FAM117A: variants seen among roughly 807,000 people sequenced by gnomAD.
FAM117A encodes the protein protein FAM117A.
In FAM117A, 21 loss-of-function variants were observed where a neutral mutation model predicts 44.1. The ratio of observed to expected loss-of-function variants is 0.48; its 90% confidence interval spans 0.34 to 0.69. The LOEUF is 0.69. Among genes scored for constraint, FAM117A ranks in the 30% least tolerant of loss-of-function variants. The pLI is 0.01. For missense variants in FAM117A, 498 were observed against 589.9 expected (o/e 0.84, Z 1.61); for synonymous variants, 220 against 238.3 (o/e 0.92, Z 0.71).
At chr17:49,743,799 C>T (rs948573402) in intron 1 of FAM117A, among the ~76,000 whole-genome samples, 1 of 151,364 alleles carries the variant, frequency 6.6e-6, no homozygotes, top group Non-Finnish European at 1.5e-5. Context: ...GGTGGCACGA[C>T]ATGCCTGTTA....
At chr17:49,754,594 G>A (rs180841852) in intron 1 of FAM117A, among the ~76,000 whole-genome samples, 2 of 151,896 alleles carry the variant, frequency 1.3e-5, no homozygotes, top group South Asian at 2.1e-4. Context: ...GTGAGCCACC[G>A]TGCCCGGCCA....
intron 5 of FAM117A, among the ~76,000 whole-genome samples, chr17:49,718,787 C>T (rs913215282): frequency 6.6e-5 from 10 of 150,832 alleles, no homozygotes; most frequent in African/African-American, 2.4e-4. Context: ...TCGAGGCCAT[C>T]CTGGCCAACA....
chr17:49,761,143 A>T (rs905350331), intron 1 of FAM117A, among the ~76,000 whole-genome samples: 5 of 152,316 alleles, frequency 3.3e-5, no homozygotes, highest in South Asian at 2.1e-4. Context: ...GCGTTACATC[A>T]CTTTGAGATG....
chr17:49,729,412 G>A (rs188253820), intron 2 of FAM117A, among the ~76,000 whole-genome samples: 38 of 151,888 alleles, frequency 2.5e-4, no homozygotes, highest in Admixed American at 2.4e-3. Context: ...ATATTGGTAT[G>A]ACTAGAAGAG....
rs141828418 is a variant in FAM117A, at chr17:49,757,697, C to T, written c.196+6195G>A. 2.7e-3 allele frequency among the ~76,000 whole-genome samples: 407 copies of T among 152,332 alleles called. 2 individuals are homozygous for T. The highest frequency in any genetic ancestry group is 9.2e-3 in the African/African-American group (383 of 41,580). Reference sequence around the variant, plus strand: ...ATTTCAAATATCATCCACAACTCTTCCCTGAGATCAGGATTTGTTTTTGAC... The same window carrying T: ...ATTTCAAATATCATCCACAACTCTTTCCTGAGATCAGGATTTGTTTTTGAC... On this transcript the variant is annotated intron_variant, in intron 1 of 7. Coordinates refer to ENST00000240364, the MANE Select transcript of FAM117A (RefSeq NM_030802.4).
intron 3 of FAM117A, among the ~76,000 whole-genome samples, chr17:49,721,752 GA>G (rs2073535379): frequency 6.6e-6 from 1 of 152,108 alleles, no homozygotes; most frequent in Non-Finnish European, 1.5e-5. Flanking sequence ...GGAGGGCCAG[GA>G]AAAAGTGTTT....
At chr17:49,739,812 C>T (rs1331393951) in intron 1 of FAM117A, among the ~76,000 whole-genome samples, 1 of 152,214 alleles carries the variant, frequency 6.6e-6, no homozygotes, top group Non-Finnish European at 1.5e-5. Flanking sequence ...GGCTGGGTGG[C>T]TGCAGGAGGG....
At chr17:49,746,228 T>G (rs2073653957) in intron 1 of FAM117A, among the ~76,000 whole-genome samples, 1 of 152,166 alleles carries the variant, frequency 6.6e-6, no homozygotes, top group South Asian at 2.1e-4. Flanking sequence ...TCAATGAGTC[T>G]AGGTGAAAGA....
At chr17:49,784,179 G>A (rs1483442337) in intron 1 of FAM117A, among the ~76,000 whole-genome samples, 2 of 152,152 alleles carry the variant, frequency 1.3e-5, no homozygotes, top group Non-Finnish European at 2.9e-5. Context: ...GACATCAAGG[G>A]ATCTTTTAGG....
chr17:49,759,595 T>G (rs1008080171), intron 1 of FAM117A, among the ~76,000 whole-genome samples: 1 of 152,198 alleles, frequency 6.6e-6, no homozygotes, highest in Non-Finnish European at 1.5e-5. Context: ...TCTTCTAATC[T>G]CCAGGCTGTT....
Position 49,716,295 on chromosome 17 carries a change from C to T in FAM117A, c.931G>A (p.Ala311Thr), listed in dbSNP as rs555059061. 6.3e-6 allele frequency: 10 copies of T among 1,598,754 alleles called. No homozygotes were observed. In the Admixed American group the frequency reaches 1.2e-4, roughly 19 times the overall value. ...NDKASSPGHPAFLEDGSPSPV... is the reference protein window; with the variant it reads ...NDKASSPGHPTFLEDGSPSPV... ...GATGGGCTGCCATCTTCAAGAAAGG[C>T]TGGGTGTCCTGGAGAGGAGGCTGTG... Residue 311 changes from alanine (A) to threonine (T), a missense_variant, in exon 7 of 8, where the codon GCC becomes ACC. Ala to Thr is a moderately conservative substitution (Grantham distance 58, BLOSUM62 0). Around this residue, in one of 3 missense-constraint regions of FAM117A, gnomAD observed 224 missense variants for 296.5 expected, o/e 0.76. Coordinates refer to ENST00000240364, the MANE Select transcript of FAM117A (RefSeq NM_030802.4).
rs560317467 is a variant in FAM117A, at chr17:49,727,588, G to A, written c.366+4963C>T. Among the ~76,000 whole-genome samples, 12 of 152,280 alleles carry A rather than the reference G, an allele frequency of 7.9e-5. No homozygotes were observed. The South Asian group carries it at 2.3e-3, about 29-fold the overall frequency. On this transcript the variant is annotated intron_variant, in intron 2 of 7. Transcript: ENST00000240364. ...GCAAAACTGGACGTGGCCAGACCAA[G>A]GAAGCCTTGCCTGGGATTGAGATCC...
At chr17:49,715,282 C>A (rs1019277038) in intron 7 of FAM117A, among the ~76,000 whole-genome samples, 5 of 152,164 alleles carry the variant, frequency 3.3e-5, no homozygotes, top group Admixed American at 1.3e-4. Context: ...TCTGTATGTA[C>A]CTTCGGCTGC....
chr17:49,754,070 G>T (rs2073687870), intron 1 of FAM117A, among the ~76,000 whole-genome samples: 1 of 152,090 alleles, frequency 6.6e-6, no homozygotes, highest in Admixed American at 6.6e-5. Flanking sequence ...GTCATATTGT[G>T]AAAGCCCTCT....
intron 1 of FAM117A, among the ~76,000 whole-genome samples, chr17:49,774,613 C>T (rs1255090864): frequency 6.6e-6 from 1 of 152,208 alleles, no homozygotes; most frequent in Non-Finnish European, 1.5e-5. Context: ...CCGCCTCAGC[C>T]TCCCAAAGTG....
intron 1 of FAM117A, among the ~76,000 whole-genome samples, chr17:49,786,775 T>G (rs969465491): frequency 9.3e-6 from 1 of 107,632 alleles, no homozygotes; most frequent in Non-Finnish European, 1.7e-5. Flanking sequence ...AAACCCTGTC[T>G]CAGAAAAAAA....
At chr17:49,782,689 CAAAA>C (rs74562078) in intron 1 of FAM117A, among the ~76,000 whole-genome samples, 2 of 56,186 alleles carry the variant, frequency 3.6e-5, no homozygotes, top group South Asian at 6.4e-4. Flanking sequence ...GACTTTGTCT[CAAAA>C]AAAAAAAAAA....
At chr17:49,733,719 G>T (rs2073596964) in intron 1 of FAM117A, among the ~76,000 whole-genome samples, 1 of 152,108 alleles carries the variant, frequency 6.6e-6, no homozygotes, top group South Asian at 2.1e-4. Flanking sequence ...TTTTACTTTG[G>T]TTAAAGCTTT....
intron 1 of FAM117A, among the ~76,000 whole-genome samples, chr17:49,786,216 C>G (rs1275906297): frequency 2.0e-5 from 3 of 152,072 alleles, no homozygotes; most frequent in Non-Finnish European, 4.4e-5. Flanking sequence ...AGAACCATAT[C>G]TAAATGAAAC....
Sources: gnomAD v4.1 joint callset for allele counts (sites outside exome capture counted in the v4.1 genomes callset) on GRCh38, gnomAD v4.1.1 for gene constraint, gnomAD v4.1.1 regional missense constraint, MANE v1.5 for transcripts, NCBI Gene and HGNC (gene_info 2026-07-23, HGNC 2026-07-21) for gene names.